CSF2RA: variants seen among roughly 807,000 people sequenced by gnomAD.
The protein encoded by CSF2RA is granulocyte-macrophage colony-stimulating factor receptor subunit alpha.
In CSF2RA, 42 loss-of-function variants were observed where a neutral mutation model predicts 51.6. That is an observed-to-expected ratio of 0.81 (90% CI 0.64 to 1.05). The LOEUF is 1.05. Among genes scored for constraint, CSF2RA ranks in the 50% least tolerant of loss-of-function variants. CSF2RA has a pLI of 0.00. For synonymous variants in CSF2RA, 222 were observed against 193.0 expected, an observed-to-expected ratio of 1.15 and a Z score of -1.24; for missense variants, 530 against 501.1, an observed-to-expected ratio of 1.06 and a Z score of -0.55.
At chrX:1,317,573 A>ATTTTTTT in the CSF2RA span, among the ~76,000 whole-genome samples, 1 of 131,606 alleles carries the variant, frequency 7.6e-6, no homozygotes, top group Admixed American at 7.5e-5. Context: ...ATTTTATTTT[A>ATTTTTTT]TTTTTTTTTT....
At chrX:1,323,838 C>A in the CSF2RA span, among the ~76,000 whole-genome samples, 1 of 151,474 alleles carries the variant, frequency 6.6e-6, no homozygotes, top group Admixed American at 6.6e-5. Context: ...CACGGTGAAA[C>A]CCCGTCTCTA....
chrX:1,290,250 GT>G, intron 6 of CSF2RA, 86 bp from the exon 7 acceptor site: 1 of 1,106,380 alleles, frequency 9.0e-7, no homozygotes, highest in African/African-American at 1.6e-5. Flanking sequence ...TTTGTGTTTT[GT>G]TTTGTGTTTG....
In CSF2RA at chrX:1,285,920, G is replaced by A. The variant is rs1210963660; in HGVS notation, c.219G>A (p.Arg73=). ...TDKKNRVVEP[R]LSNNECSCTF... Reference sequence around the variant, plus strand: ...AGAAGAACAGAGTCGTGGAACCCAGGGTGAGACGAATTTCCCATTCTCAAC... The same window carrying A: ...AGAAGAACAGAGTCGTGGAACCCAGAGTGAGACGAATTTCCCATTCTCAAC... Residue 73 remains arginine (R), a splice_region_variant and synonymous_variant, in exon 4 of 13, where the codon AGG becomes AGA. Coordinates refer to ENST00000381529, the MANE Select transcript of CSF2RA (RefSeq NM_172245.4). The A allele has an allele frequency of 1.2e-6, 2 of 1,613,664 alleles. No homozygotes were observed. Among genetic ancestry groups the A allele is most frequent in the Non-Finnish European group, 8.5e-7 (1 of 1,179,850 alleles).
downstream of CSF2RA, among the ~76,000 whole-genome samples, chrX:1,312,795 A>G (rs1228542193): frequency 6.6e-6 from 1 of 152,176 alleles, no homozygotes; most frequent in East Asian, 1.9e-4. Flanking sequence ...TGCAAACCCC[A>G]GCCGGCCCCT....
At chrX:1,286,724 C>T (rs1214100150) in intron 4 of CSF2RA, among the ~76,000 whole-genome samples, 1 of 152,188 alleles carries the variant, frequency 6.6e-6, no homozygotes, top group African/African-American at 2.4e-5. Context: ...TGTACCAGAG[C>T]CTGATTCCCT....
chrX:1,276,766 C>T (rs1376686147), intron 2 of CSF2RA, among the ~76,000 whole-genome samples: 4 of 152,086 alleles, frequency 2.6e-5, no homozygotes, highest in African/African-American at 9.7e-5. Flanking sequence ...TGATTTCCCA[C>T]AGTCTTGTCT....
At chrX:1,317,246 CTT>C in the CSF2RA span, among the ~76,000 whole-genome samples, 6 of 57,826 alleles carry the variant, frequency 1.0e-4, no homozygotes, top group African/African-American at 2.2e-4. Flanking sequence ...CCACGCTCAG[CTT>C]TTTTTTTTTT....
intron 12 of CSF2RA, among the ~76,000 whole-genome samples, chrX:1,308,768 C>T (rs1327088041): frequency 6.6e-6 from 1 of 152,136 alleles, no homozygotes; most frequent in Non-Finnish European, 1.5e-5. Context: ...GCCAGGATGA[C>T]GGCTTCAGGC....
the CSF2RA span, among the ~76,000 whole-genome samples, chrX:1,317,471 G>C: frequency 8.5e-4 from 123 of 143,932 alleles, 2 homozygotes; most frequent in Admixed American, 5.2e-3. Context: ...GGCTGGTCTC[G>C]AACTCCTGAC....
chrX:1,302,432 A>T (rs2083084334), intron 10 of CSF2RA, among the ~76,000 whole-genome samples: 1 of 152,156 alleles, frequency 6.6e-6, no homozygotes, highest in African/African-American at 2.4e-5. Context: ...AAAATGGGGT[A>T]CAGGGATGAT....
At chrX:1,289,784 ATTTTG>A (rs1328064431) in intron 6 of CSF2RA, among the ~76,000 whole-genome samples, 14 of 41,690 alleles carry the variant, frequency 3.4e-4, no homozygotes, top group Middle Eastern at 0.012. Context: ...TTTTTGTTTC[ATTTTG>A]TTTTGTTTTG....
intron 4 of CSF2RA, among the ~76,000 whole-genome samples, chrX:1,287,403 T>C (rs184758746): frequency 0.012 from 1,707 of 145,862 alleles, 45 homozygotes; most frequent in African/African-American, 0.039. Flanking sequence ...CCACCCTCCT[T>C]GGCCTCCCAA....
At chrX:1,286,075 C>G (rs1253292839) in intron 4 of CSF2RA, among the ~76,000 whole-genome samples, 155 bp downstream of exon 4, 2 of 151,944 alleles carry the variant, frequency 1.3e-5, no homozygotes, top group East Asian at 1.9e-4. Context: ...GAGTTCAAGA[C>G]CAGCCTGACC....
At chrX:1,324,232 G>A in the CSF2RA span, among the ~76,000 whole-genome samples, 1,009 of 150,448 alleles carry the variant, frequency 6.7e-3, 15 homozygotes, top group African/African-American at 0.024. Context: ...GGTGATTCAC[G>A]CCTGTAATCC....
chrX:1,315,839 AATAG>A, the CSF2RA span, among the ~76,000 whole-genome samples: 7 of 150,872 alleles, frequency 4.6e-5, no homozygotes, highest in South Asian at 2.1e-4. Flanking sequence ...TGAATGGATA[AATAG>A]ATGGATAGAT....
In CSF2RA at chrX:1,285,029, A is replaced by G. The variant is rs2090476570; in HGVS notation, c.77-749A>G. ...GAGAAGGAGCAAGCTGGGACCACAG[A>G]TGTGCACCATCACACCTGCCTAATT... On this transcript the variant is annotated intron_variant, in intron 3 of 12. Coordinates refer to ENST00000381529, the MANE Select transcript of CSF2RA (RefSeq NM_172245.4). Among the ~76,000 whole-genome samples the G allele has an allele frequency of 1.3e-5, 2 of 151,694 alleles. 1 individual carries two copies. The highest frequency in any genetic ancestry group is 2.9e-5 in the Non-Finnish European group (2 of 67,966).
At chrX:1,303,470 C>A in intron 10 of CSF2RA, 1 of 456,346 alleles carries the variant, frequency 2.2e-6, no homozygotes, top group Non-Finnish European at 3.9e-6. Flanking sequence ...GAACTCCTGA[C>A]CTCAGATGAT....
intron 10 of CSF2RA, among the ~76,000 whole-genome samples, chrX:1,302,062 GCC>G (rs1569510163): frequency 6.6e-6 from 1 of 151,208 alleles, no homozygotes. Flanking sequence ...GATTACAGGC[GCC>G]CGCCACCACA....
intron 11 of CSF2RA, among the ~76,000 whole-genome samples, chrX:1,304,754 T>G (rs1264085289): frequency 4.0e-5 from 6 of 151,630 alleles, no homozygotes; most frequent in African/African-American, 1.5e-4. Flanking sequence ...AACCTCCACC[T>G]CCCGGGTTCA....
Sources: allele counts gnomAD v4.1 joint callset (sites outside exome capture counted in the v4.1 genomes callset), GRCh38; gene constraint gnomAD v4.1.1; transcripts MANE v1.5; gene names NCBI Gene and HGNC (gene_info 2026-07-23, HGNC 2026-07-21).